The following MIA2 variants were observed in gnomAD, a reference collection of about 807,000 sequenced individuals.
MIA2 encodes the protein melanoma inhibitory activity protein 2.
MIA2 carries 127 observed loss-of-function variants against 167.8 expected under a neutral mutation model. The observed-to-expected ratio is 0.76, with a 90% confidence interval of 0.66 to 0.88. The LOEUF (loss-of-function observed/expected upper bound fraction) is 0.88, where lower values mean the gene tolerates loss of function less well. Ranked by LOEUF, MIA2 falls within the 40% of genes least tolerant of loss-of-function variation. The pLI is 0.00. For synonymous variants in MIA2, 552 were observed against 541.9 expected (o/e 1.02, Z -0.26); for missense variants, 1,690 against 1,624.7 (o/e 1.04, Z -0.69).
At chr14:39,385,376 C>G in intron 23 of MIA2, 1 of 1,078,634 alleles carries the variant, frequency 9.3e-7, no homozygotes, top group Non-Finnish European at 1.4e-6. Context: ...CATTCATAAA[C>G]TATAAGGTGG....
chr14:39,266,990 A>G (rs2055836679), intron 6 of MIA2: 1 of 811,054 alleles, frequency 1.2e-6, no homozygotes, highest in Non-Finnish European at 1.5e-6. Context: ...GCCGAATCTC[A>G]TCCTCTAGTC....
intron 23 of MIA2, among the ~76,000 whole-genome samples, chr14:39,361,517 C>A (rs1031278576): frequency 1.3e-5 from 2 of 151,094 alleles, no homozygotes; most frequent in Non-Finnish European, 2.9e-5. Flanking sequence ...CGGCTCACTG[C>A]AACTTCCGCC....
intron 24 of MIA2, among the ~76,000 whole-genome samples, 169 bp downstream of exon 24, chr14:39,321,225 A>G (rs2066369964): frequency 6.6e-6 from 1 of 152,142 alleles, no homozygotes. Flanking sequence ...TCTAATTTTG[A>G]TGTATTTTTC....
intron 9 of MIA2, among the ~76,000 whole-genome samples, chr14:39,282,862 C>A (rs2059142170): frequency 6.6e-6 from 1 of 152,204 alleles, no homozygotes; most frequent in Non-Finnish European, 1.5e-5. Flanking sequence ...CATGAGCCAC[C>A]ATACCCGGCC....
intron 23 of MIA2, among the ~76,000 whole-genome samples, chr14:39,365,650 C>CCTAT (rs3065047): frequency 0.016 from 2,303 of 147,950 alleles, 16 homozygotes; most frequent in East Asian, 0.024. Context: ...TTTAAAAATA[C>CCTAT]CTATCTATCT....
intron 25 of MIA2, among the ~76,000 whole-genome samples, chr14:39,335,759 C>G (rs2070240087): frequency 6.6e-6 from 1 of 152,136 alleles, no homozygotes; most frequent in South Asian, 2.1e-4. Context: ...CTCCCTTTGT[C>G]TCTCCTCGCT....
chr14:39,380,144 G>A (rs2075125171), intron 23 of MIA2, among the ~76,000 whole-genome samples: 1 of 152,152 alleles, frequency 6.6e-6, no homozygotes, highest in African/African-American at 2.4e-5. Context: ...ATTTCCTTCA[G>A]ACCTTTAAGA....
rs774792407 is a variant in MIA2 at position 39,276,996 on chromosome 14, A to G, written c.1950A>G (p.Glu650=). 9 of 1,613,948 alleles carry G rather than the reference A, an allele frequency of 5.6e-6. No homozygotes were observed. In the South Asian group the frequency reaches 9.9e-5, roughly 18 times the overall value. The change falls in exon 7 of 29, where the codon GAA becomes GAG. Residue 650 remains glutamate, a synonymous_variant. Coordinates refer to ENST00000640607, the MANE Select transcript of MIA2 (RefSeq NM_001329214.4). ...PDSNLYGFPW[E]LVICAAVVGF... is the part of the protein sequence containing the mutation. ...CTAATCTTTATGGTTTTCCATGGGA[A>G]TTGGTGATATGTGCAGCTGTTGTTG... is the stretch of plus-strand genomic sequence containing the variant.
intron 6 of MIA2, 99 bp from the exon 7 acceptor site, chr14:39,276,835 G>A: frequency 7.7e-7 from 1 of 1,305,080 alleles, no homozygotes; most frequent in South Asian, 1.3e-5. Flanking sequence ...TAGTCTGGCA[G>A]CCCATTTTGT....
At chr14:39,376,625 A>T (rs1175787272) in intron 23 of MIA2, among the ~76,000 whole-genome samples, 1 of 152,250 alleles carries the variant, frequency 6.6e-6, no homozygotes. Context: ...CATGTAAAAC[A>T]AAAAGTATGT....
At chr14:39,326,612 TATATTTTATATTTATTTTAA>T (rs1279616498) in intron 24 of MIA2, among the ~76,000 whole-genome samples, 4 of 148,756 alleles carry the variant, frequency 2.7e-5, no homozygotes, top group East Asian at 1.9e-4. Context: ...AATCATTTAT[TATATTTTATATTTATTTTAA>T]ATATTTTATA....
intron 6 of MIA2, among the ~76,000 whole-genome samples, chr14:39,255,506 T>TCAAA (rs1273491149): frequency 1.3e-5 from 2 of 152,144 alleles, no homozygotes; most frequent in East Asian, 1.9e-4. Flanking sequence ...AGACTCTGTC[T>TCAAA]CAAACAAACA....
intron 23 of MIA2, among the ~76,000 whole-genome samples, chr14:39,358,972 G>T (rs1199493517): frequency 1.3e-5 from 2 of 152,238 alleles, no homozygotes; most frequent in African/African-American, 4.8e-5. Flanking sequence ...ACTGGGGGAT[G>T]CCTCCCAGTT....
intron 9 of MIA2, among the ~76,000 whole-genome samples, chr14:39,285,381 G>GAC (rs1383581428): frequency 7.0e-6 from 1 of 142,812 alleles, no homozygotes. Flanking sequence ...GGCGGGGGCT[G>GAC]CCCCCCACCT....
intron 25 of MIA2, 52 bp from the exon 26 acceptor site, chr14:39,345,852 A>C: frequency 6.6e-7 from 1 of 1,510,456 alleles, no homozygotes; most frequent in South Asian, 1.2e-5. Flanking sequence ...AACTTAAGTA[A>C]ACTTGATTTA....
intron 25 of MIA2, 38 bp from the exon 26 acceptor site, chr14:39,345,866 T>G: frequency 6.4e-7 from 1 of 1,561,048 alleles, no homozygotes; most frequent in Non-Finnish European, 8.7e-7. Flanking sequence ...TGATTTATAT[T>G]TACATTAATG....
At position 39,350,451 on chromosome 14, in the gene MIA2, T is replaced by C; in HGVS notation, c.*187T>C. 2.3e-6 allele frequency: 1 copy of C among 440,576 alleles called. No homozygotes were observed. The highest frequency in any genetic ancestry group is 4.0e-6 in the Non-Finnish European group (1 of 247,280). The allele number at this position is 440,576 out of a possible 1,614,324, so 27.3% of individuals were successfully genotyped here. A position where few individuals can be genotyped will look rare whatever the true frequency, so the allele number is the denominator to read the frequency against. The stretch of plus-strand genomic sequence containing the variant: ...TTATGAGTAAATTATTTCAATTTTA[T>C]TTTAGACGGTATAACTATTTCAATT... On this transcript the variant is annotated 3_prime_UTR_variant, in exon 29 of 29. Transcript: ENST00000640607.
intron 25 of MIA2, among the ~76,000 whole-genome samples, chr14:39,331,251 C>CT (rs1044405275): frequency 6.6e-6 from 1 of 152,172 alleles, no homozygotes; most frequent in East Asian, 1.9e-4. Context: ...GGTTTCAAGT[C>CT]TTTTTTATCA....
At chr14:39,282,168 C>T (rs2059046052) in intron 9 of MIA2, among the ~76,000 whole-genome samples, 1 of 152,068 alleles carries the variant, frequency 6.6e-6, no homozygotes, top group Non-Finnish European at 1.5e-5. Context: ...TGGGTGCTGT[C>T]GTCTCTCTTC....
Sources: gnomAD v4.1 joint callset for allele counts (sites outside exome capture counted in the v4.1 genomes callset) on GRCh38, gnomAD v4.1.1 for gene constraint, MANE v1.5 for transcripts, NCBI Gene and HGNC (gene_info 2026-07-23, HGNC 2026-07-21) for gene names.